The following COL22A1 variants were observed in gnomAD, a reference collection of about 807,000 sequenced individuals.
COL22A1 encodes the protein collagen alpha-1(XXII) chain.
Under a neutral mutation model 248.9 loss-of-function variants are expected in COL22A1, and 221 were observed. The ratio of observed to expected loss-of-function variants is 0.89; its 90% CI spans 0.80 to 0.99. The LOEUF is 0.99. COL22A1 is among the 50% of genes least tolerant of loss of function. The pLI, the probability that COL22A1 is intolerant of heterozygous loss-of-function variation, is 0.00. For synonymous variants in COL22A1, 891 were observed against 793.4 expected (o/e 1.12, Z -2.07); for missense variants, 2,240 against 2,179.0 (o/e 1.03, Z -0.56).
chr8:138,703,613 T>C (rs1041643673), intron 30 of COL22A1, among the ~76,000 whole-genome samples: 10 of 152,230 alleles, frequency 6.6e-5, no homozygotes, highest in African/African-American at 2.4e-4. Context: ...AGATCATTTA[T>C]ATCACTATAT....
At chr8:138,755,885 G>T (rs1466046094) in intron 18 of COL22A1, 56 bp from the exon 19 acceptor site, 14 of 1,455,942 alleles carry the variant, frequency 9.6e-6, no homozygotes, top group Non-Finnish European at 1.3e-5. Flanking sequence ...TTCTGTGGCA[G>T]TCCCATCCCT....
At chr8:138,601,393 C>T (rs551746972) in intron 60 of COL22A1, among the ~76,000 whole-genome samples, 3 of 152,120 alleles carry the variant, frequency 2.0e-5, no homozygotes, top group South Asian at 4.2e-4. Context: ...CGAAGAAAGC[C>T]GAGATAAATT....
intron 30 of COL22A1, among the ~76,000 whole-genome samples, chr8:138,706,030 C>G (rs1225626052): frequency 2.0e-5 from 3 of 152,090 alleles, no homozygotes; most frequent in Non-Finnish European, 4.4e-5. Flanking sequence ...AAGATCAAAA[C>G]AGACAAAGAA....
chr8:138,593,225 G>A (rs1336512909), intron 63 of COL22A1, among the ~76,000 whole-genome samples: 1 of 151,970 alleles, frequency 6.6e-6, no homozygotes, highest in East Asian at 1.9e-4. Flanking sequence ...CGGGGGGTGG[G>A]GGTCAAGGGG....
chr8:138,778,169 G>A (rs1814647068), intron 15 of COL22A1, 184 bp downstream of exon 15: 2 of 702,438 alleles, frequency 2.8e-6, no homozygotes, highest in Admixed American at 2.2e-5. Context: ...TTCTCTGGGT[G>A]ATTCTTATGG....
chr8:138,814,023 T>C (rs1818470370), intron 7 of COL22A1, among the ~76,000 whole-genome samples: 1 of 152,218 alleles, frequency 6.6e-6, no homozygotes, highest in African/African-American at 2.4e-5. Flanking sequence ...GGGGTTGTGG[T>C]GCTAAAACAT....
intron 30 of COL22A1, among the ~76,000 whole-genome samples, chr8:138,714,234 T>C (rs75259079): frequency 0.86 from 131,058 of 151,588 alleles, 56,781 homozygotes; most frequent in Non-Finnish European, 0.9. Flanking sequence ...GTTAGGCGTG[T>C]ATCAAAATCT....
rs147847724 is a variant in COL22A1, at chr8:138,679,667, C to A, written c.3022G>T (p.Gly1008Ter). ...CAGTTTTCTGACCCTCTGACTTTTCCGCAAGCAGCCTGAAAGTAGAAAATC... is the reference window on the plus strand; with the variant it reads ...CAGTTTTCTGACCCTCTGACTTTTCAGCAAGCAGCCTGAAAGTAGAAAATC... Reference protein sequence around the residue: ...PGPLGTKAACGKVRGSENCAL... With the variant: ...PGPLGTKAAC Residue 1008 changes from glycine (G) to a stop codon, truncating the protein, a stop_gained, in exon 40 of 65, where the codon GGA (glycine) becomes TGA (stop). Transcript: ENST00000303045. LOFTEE classifies it high-confidence loss of function. The A allele has an allele frequency of 3.7e-6, 6 of 1,613,892 alleles. No homozygotes were observed. The highest frequency in any genetic ancestry group is 4.2e-6 in the Non-Finnish European group (5 of 1,179,856).
intron 59 of COL22A1, among the ~76,000 whole-genome samples, chr8:138,603,332 T>A (rs1484394180): frequency 6.6e-6 from 1 of 152,140 alleles, no homozygotes; most frequent in Non-Finnish European, 1.5e-5. Flanking sequence ...TATTCCTGGA[T>A]GAATCTTTAA....
intron 50 of COL22A1, among the ~76,000 whole-genome samples, chr8:138,627,458 G>A (rs981803109): frequency 2.7e-4 from 41 of 152,116 alleles, no homozygotes; most frequent in African/African-American, 8.7e-4. Flanking sequence ...TACTATATTA[G>A]ACCATTCTCT....
chr8:138,594,420 T>C (rs1005377339), intron 62 of COL22A1, among the ~76,000 whole-genome samples: 1 of 152,186 alleles, frequency 6.6e-6, no homozygotes, highest in Non-Finnish European at 1.5e-5. Context: ...AGCATTTGTA[T>C]GGGCACCTTC....
rs990458564 is a variant in COL22A1 at position 138,817,147 on chromosome 8, A to C, written c.1245+3989T>G. Reference sequence around the variant, plus strand: ...TAGTTTAGTAGACCTAGAAACGTCTATTCAAGAAGTAGCATCTTTATTTAA... The same window carrying C: ...TAGTTTAGTAGACCTAGAAACGTCTCTTCAAGAAGTAGCATCTTTATTTAA... On this transcript the variant is annotated intron_variant, in intron 7 of 64. Transcript: ENST00000303045. Among the ~76,000 whole-genome samples the C allele has an allele frequency of 5.3e-5, 8 of 152,354 alleles. 1 individual carries two copies. In the South Asian group the frequency reaches 1.7e-3, roughly 32 times the overall value.
intron 23 of COL22A1, among the ~76,000 whole-genome samples, chr8:138,727,957 A>G (rs1452247687): frequency 1.3e-5 from 2 of 152,114 alleles, no homozygotes; most frequent in Non-Finnish European, 2.9e-5. Context: ...CACTTCTCTC[A>G]GCAAAGCAAG....
intron 3 of COL22A1, among the ~76,000 whole-genome samples, chr8:138,872,647 C>G (rs1489124420): frequency 6.6e-6 from 1 of 152,228 alleles, no homozygotes. Context: ...TCGGCCTCCG[C>G]CCCACACACT....
chr8:138,821,256 G>T lies in COL22A1; in HGVS notation c.1125C>A (p.Asn375Lys). The T allele has an allele frequency of 7.4e-6, 12 of 1,614,236 alleles. No individual in the cohort carries two copies. Among genetic ancestry groups the T allele is most frequent in the Non-Finnish European group, 1.0e-5 (12 of 1,180,050 alleles). The change falls in exon 7 of 65, where the codon AAC becomes AAA. Residue 375 changes from asparagine to lysine, a missense_variant. Physicochemically the swap from Asn to Lys is moderately conservative, Grantham distance 94 (BLOSUM62 0). Coordinates refer to ENST00000303045, the MANE Select transcript of COL22A1 (RefSeq NM_152888.3). ...HKMALSIQAQ[N>K]VSLHIDCALV... ...GCGCACAGTCAATGTGCAGGGAGAC[G>T]TTCTGGGCCTGGATGCTCAGGGCCA...
intron 39 of COL22A1, among the ~76,000 whole-genome samples, chr8:138,680,102 G>C (rs920698736): frequency 6.6e-6 from 1 of 152,134 alleles, no homozygotes; most frequent in Non-Finnish European, 1.5e-5. Context: ...ACGGCCCCAA[G>C]AAGAGCAAAA....
intron 61 of COL22A1, among the ~76,000 whole-genome samples, 158 bp from the exon 62 acceptor site, chr8:138,597,128 C>T (rs1308286153): frequency 1.3e-5 from 2 of 152,160 alleles, no homozygotes; most frequent in Middle Eastern, 3.2e-3. Flanking sequence ...CTAATCCCTT[C>T]CTCTCTTCTC....
intron 57 of COL22A1, among the ~76,000 whole-genome samples, chr8:138,606,917 A>G (rs1818471394): frequency 6.6e-6 from 1 of 152,130 alleles, no homozygotes; most frequent in Non-Finnish European, 1.5e-5. Flanking sequence ...ACTCTGCACT[A>G]GGGGAGGTGA....
intron 59 of COL22A1, among the ~76,000 whole-genome samples, chr8:138,602,386 C>A (rs1301932726): frequency 6.6e-6 from 1 of 152,136 alleles, no homozygotes; most frequent in Non-Finnish European, 1.5e-5. Context: ...CTGATGGCAC[C>A]AGCCCTGGGT....
Sources: allele counts gnomAD v4.1 joint callset (sites outside exome capture counted in the v4.1 genomes callset), GRCh38; gene constraint gnomAD v4.1.1; transcripts MANE v1.5; gene names NCBI Gene and HGNC (gene_info 2026-07-23, HGNC 2026-07-21).